LAMA2: variants seen among roughly 807,000 people sequenced by gnomAD.
LAMA2 encodes laminin subunit alpha 2, also known as laminin subunit alpha-2.
In LAMA2, 269 loss-of-function variants were observed where a neutral mutation model predicts 364.8. The observed-to-expected ratio is 0.74, with a 90% CI of 0.67 to 0.82. The LOEUF is 0.82. Ranked by LOEUF, LAMA2 falls within the 40% of genes least tolerant of loss-of-function variation. The pLI, the probability that LAMA2 is intolerant of heterozygous loss-of-function variation, is 0.00. For missense variants in LAMA2, 3,807 were observed against 3,873.2 expected (o/e 0.98, Z 0.45); for synonymous variants, 1,379 against 1,370.6 (o/e 1.01, Z -0.14).
At chr6:129,100,116 C>G (rs185147713) in intron 4 of LAMA2, among the ~76,000 whole-genome samples, 1 of 152,256 alleles carries the variant, frequency 6.6e-6, no homozygotes, top group East Asian at 1.9e-4. Flanking sequence ...ATGTAACATG[C>G]GTGTCACAAG....
At chr6:129,308,709 A>ATTAAT (rs146221789) in intron 22 of LAMA2, among the ~76,000 whole-genome samples, 474 of 152,310 alleles carry the variant, frequency 3.1e-3, no homozygotes, top group African/African-American at 0.01. Context: ...CCTGAGACTG[A>ATTAAT]TTATAAGAAA....
rs551817676 is a variant in LAMA2, at chr6:129,070,762, A to G, written c.396+10866A>G. On this transcript the variant is annotated intron_variant, in intron 3 of 64. Transcript: ENST00000421865. Reference sequence around the variant, plus strand: ...ATTTTAGATATGTCTCATTAATGGCATATAGTGAAGTTTTGACGTTTTGTC... The same window carrying G: ...ATTTTAGATATGTCTCATTAATGGCGTATAGTGAAGTTTTGACGTTTTGTC... Among the ~76,000 whole-genome samples the G allele has an allele frequency of 9.2e-5, 14 of 152,322 alleles. No individual in the cohort carries two copies. The South Asian group carries it at 2.7e-3, about 29-fold the overall frequency.
At chr6:128,893,399 G>T (rs899433007) in intron 1 of LAMA2, among the ~76,000 whole-genome samples, 1 of 151,394 alleles carries the variant, frequency 6.6e-6, no homozygotes, top group Non-Finnish European at 1.5e-5. Context: ...AATTAATAAT[G>T]TTATGTATTA....
intron 60 of LAMA2, 145 bp from the exon 61 acceptor site, chr6:129,505,055 A>G (rs1785945631): frequency 4.2e-6 from 3 of 711,132 alleles, no homozygotes; most frequent in South Asian, 1.6e-5. Flanking sequence ...TAACTTTCCC[A>G]TATATAATGG....
intron 22 of LAMA2, among the ~76,000 whole-genome samples, chr6:129,301,576 T>A (rs1191400097): frequency 6.6e-6 from 1 of 152,120 alleles, no homozygotes; most frequent in Non-Finnish European, 1.5e-5. Flanking sequence ...TTAGGATGAC[T>A]CCTAGGTTTT....
chr6:129,296,273 C>T (rs745501112), intron 20 of LAMA2, among the ~76,000 whole-genome samples: 8 of 151,724 alleles, frequency 5.3e-5, no homozygotes, highest in Non-Finnish European at 1.0e-4. Context: ...TTTCTCTAAG[C>T]CAGGTATCTA....
intron 29 of LAMA2, among the ~76,000 whole-genome samples, chr6:129,337,768 G>A (rs556579260): frequency 2.0e-4 from 30 of 152,164 alleles, no homozygotes; most frequent in Admixed American, 1.5e-3. Context: ...ATATTCTGAT[G>A]TATTATTGAA....
chr6:129,399,429 A>G (rs1351178766), intron 37 of LAMA2, among the ~76,000 whole-genome samples: 2 of 152,318 alleles, frequency 1.3e-5, no homozygotes, highest in South Asian at 4.1e-4. Flanking sequence ...CTTCCAGGTG[A>G]CGCTGATGCT....
At chr6:128,884,259 C>T (rs964363156) in intron 1 of LAMA2, among the ~76,000 whole-genome samples, 4 of 151,924 alleles carry the variant, frequency 2.6e-5, no homozygotes, top group Non-Finnish European at 5.9e-5. Context: ...GTAAGACATA[C>T]TTTGTAACAC....
At chr6:128,951,259 ATT>A (rs71663748) in intron 1 of LAMA2, among the ~76,000 whole-genome samples, 4 of 151,994 alleles carry the variant, frequency 2.6e-5, no homozygotes, top group African/African-American at 9.7e-5. Context: ...AAAAATAGGG[ATT>A]TTTTCTTTGT....
At chr6:129,236,220 C>T (rs1784972694) in intron 12 of LAMA2, among the ~76,000 whole-genome samples, 1 of 152,152 alleles carries the variant, frequency 6.6e-6, no homozygotes, top group South Asian at 2.1e-4. Flanking sequence ...AGAGACGATG[C>T]TGTTAATGTT....
chr6:129,206,088 GGA>G (rs1782634605), intron 12 of LAMA2, among the ~76,000 whole-genome samples: 1 of 111,360 alleles, frequency 9.0e-6, no homozygotes, highest in Non-Finnish European at 1.8e-5. Context: ...AAAGGAGGAA[GGA>G]AGGGAGGGAG....
intron 40 of LAMA2, among the ~76,000 whole-genome samples, chr6:129,414,969 C>T (rs556792776): frequency 1.3e-5 from 2 of 152,310 alleles, no homozygotes; most frequent in African/African-American, 4.8e-5. Flanking sequence ...AGTTCACTTA[C>T]AGAATATCAC....
At chr6:129,031,945 G>A (rs1263094658) in intron 1 of LAMA2, among the ~76,000 whole-genome samples, 2 of 151,948 alleles carry the variant, frequency 1.3e-5, no homozygotes, top group East Asian at 1.9e-4. Flanking sequence ...TTATCCTCCC[G>A]AGTAGCTGGG....
At chr6:128,903,934 G>A (rs1777249764) in intron 1 of LAMA2, among the ~76,000 whole-genome samples, 1 of 152,202 alleles carries the variant, frequency 6.6e-6, no homozygotes, top group African/African-American at 2.4e-5. Flanking sequence ...GAGCTCAGAA[G>A]TAGGCATCCA....
chr6:129,254,393 A>G (rs899276375), intron 14 of LAMA2, among the ~76,000 whole-genome samples: 2 of 152,208 alleles, frequency 1.3e-5, no homozygotes, highest in Non-Finnish European at 2.9e-5. Flanking sequence ...CAATCACTTC[A>G]TCTGTAAAAT....
At chr6:129,507,423 G>A (rs1177983499) in intron 61 of LAMA2, 66 bp from the exon 62 acceptor site, 1 of 1,525,228 alleles carries the variant, frequency 6.6e-7, no homozygotes, top group African/African-American at 1.4e-5. Context: ...GCAAATGACT[G>A]TATTCTACAT....
chr6:129,330,147 A>G (rs1364995065), intron 29 of LAMA2, among the ~76,000 whole-genome samples: 3 of 151,972 alleles, frequency 2.0e-5, no homozygotes, highest in East Asian at 1.9e-4. Flanking sequence ...GGTGAGTTGT[A>G]TAATTATTTC....
intron 22 of LAMA2, among the ~76,000 whole-genome samples, chr6:129,312,198 A>G (rs980051830): frequency 1.8e-4 from 28 of 152,252 alleles, no homozygotes; most frequent in African/African-American, 4.6e-4. Context: ...TAGCAAAAAT[A>G]TGAATTATGT....
Sources: gnomAD v4.1 joint callset for allele counts (sites outside exome capture counted in the v4.1 genomes callset) on GRCh38, gnomAD v4.1.1 for gene constraint, MANE v1.5 for transcripts, NCBI Gene and HGNC (gene_info 2026-07-23, HGNC 2026-07-21) for gene names.